The following SUPT3H variants were observed in gnomAD, a reference collection of about 807,000 sequenced individuals.
The protein encoded by SUPT3H is transcription initiation protein SPT3 homolog.
In SUPT3H, 44 loss-of-function variants were observed where a neutral mutation model predicts 44.3. The ratio of observed to expected loss-of-function variants is 0.99; its 90% confidence interval spans 0.78 to 1.28. The LOEUF (loss-of-function observed/expected upper bound fraction) is 1.28, where lower values mean the gene tolerates loss of function less well. Among genes scored for constraint, SUPT3H ranks in the 50% most tolerant of loss-of-function variants. The pLI is 0.00. For synonymous variants in SUPT3H, 124 were observed against 125.6 expected, an observed-to-expected ratio of 0.99 and a Z score of 0.09; for missense variants, 380 against 387.1, an observed-to-expected ratio of 0.98 and a Z score of 0.15.
At chr6:45,079,036 C>T (rs946162406) in intron 3 of SUPT3H, among the ~76,000 whole-genome samples, 12 of 152,060 alleles carry the variant, frequency 7.9e-5, no homozygotes, top group South Asian at 2.1e-4. Flanking sequence ...TATTGCTGGG[C>T]GCGGTGGCTC....
Position 44,953,385 on chromosome 6 carries a change from G to T in SUPT3H, c.726C>A (p.Asp242Glu). Reference protein sequence around the residue: ...LVDLALLVRQDMVTKAGDPFS... With the variant: ...LVDLALLVRQEMVTKAGDPFS... Reference sequence around the variant, plus strand: ...AGGGGTCCCCTGCCTTGGTTACCATGTCTTGCCTCACAAGAAGAGCCAGAT... The same window carrying T: ...AGGGGTCCCCTGCCTTGGTTACCATTTCTTGCCTCACAAGAAGAGCCAGAT... Residue 242 changes from aspartate (D) to glutamate (E), a missense_variant, in exon 9 of 11, where the codon GAC becomes GAA. Physicochemically the swap from Asp to Glu is conservative, Grantham distance 45 (BLOSUM62 2). Transcript: ENST00000371459. 1 of 1,614,096 alleles carries T rather than the reference G, an allele frequency of 6.2e-7. No homozygotes were observed. Among genetic ancestry groups the T allele is most frequent in the Non-Finnish European group, 8.5e-7 (1 of 1,179,980 alleles).
At chr6:45,075,315 G>GA (rs1161177197) in intron 3 of SUPT3H, among the ~76,000 whole-genome samples, 7 of 151,998 alleles carry the variant, frequency 4.6e-5, no homozygotes, top group African/African-American at 1.7e-4. Flanking sequence ...CCTAATACCA[G>GA]ATATGGTCAT....
intron 3 of SUPT3H, among the ~76,000 whole-genome samples, chr6:45,086,777 T>C (rs1264237356): frequency 6.6e-6 from 1 of 151,934 alleles, no homozygotes; most frequent in Non-Finnish European, 1.5e-5. Flanking sequence ...TATTTATCTG[T>C]GAATAGGTAC....
At chr6:45,339,795 A>C (rs942244463) in intron 2 of SUPT3H, among the ~76,000 whole-genome samples, 7 of 152,212 alleles carry the variant, frequency 4.6e-5, no homozygotes, top group African/African-American at 1.7e-4. Context: ...ATATTTTGAA[A>C]AATCAATGTA....
chr6:44,833,699 A>C (rs1769287323), intron 10 of SUPT3H, among the ~76,000 whole-genome samples: 3 of 152,142 alleles, frequency 2.0e-5, no homozygotes, highest in Admixed American at 1.3e-4. Context: ...GTAAAAGAGT[A>C]GATTTTGGAT....
intron 2 of SUPT3H, among the ~76,000 whole-genome samples, chr6:45,238,030 T>A (rs929166702): frequency 3.9e-5 from 6 of 152,168 alleles, no homozygotes; most frequent in Middle Eastern, 3.2e-3. Context: ...GTAAACAACC[T>A]GCAGCCTGCT....
chr6:45,155,453 C>T (rs1375797059), intron 2 of SUPT3H, among the ~76,000 whole-genome samples: 1 of 152,148 alleles, frequency 6.6e-6, no homozygotes, highest in African/African-American at 2.4e-5. Context: ...AAGACTGAAA[C>T]TTCTTTGTCC....
intron 2 of SUPT3H, among the ~76,000 whole-genome samples, chr6:45,294,975 G>A (rs891075767): frequency 9.2e-5 from 14 of 151,818 alleles, no homozygotes; most frequent in Admixed American, 3.9e-4. Context: ...ACCATCATTC[G>A]TCACTGAATT....
intron 10 of SUPT3H, among the ~76,000 whole-genome samples, chr6:44,928,346 A>G (rs1769869802): frequency 6.6e-6 from 1 of 152,182 alleles, no homozygotes; most frequent in Admixed American, 6.5e-5. Context: ...AAAACAAACA[A>G]GAAGCAAAAA....
chr6:44,956,710 G>C (rs779596509), intron 7 of SUPT3H, among the ~76,000 whole-genome samples: 1 of 152,062 alleles, frequency 6.6e-6, no homozygotes, highest in East Asian at 1.9e-4. Context: ...CTGGCCTTGA[G>C]TCTTTTCCTC....
At chr6:45,253,008 C>T (rs867446246) in intron 2 of SUPT3H, among the ~76,000 whole-genome samples, 25 of 151,848 alleles carry the variant, frequency 1.6e-4, no homozygotes, top group Admixed American at 1.3e-4. Context: ...TGACTTAATA[C>T]TAACCTTACC....
At chr6:45,208,946 C>T (rs2093900) in intron 2 of SUPT3H, among the ~76,000 whole-genome samples, 33,298 of 151,664 alleles carry the variant, frequency 0.22, 4,470 homozygotes, top group Non-Finnish European at 0.31. Flanking sequence ...TGTTCATTTA[C>T]CATTCAGAAA....
intron 7 of SUPT3H, among the ~76,000 whole-genome samples, chr6:44,958,718 C>G (rs922628513): frequency 6.6e-6 from 1 of 151,910 alleles, no homozygotes; most frequent in Non-Finnish European, 1.5e-5. Context: ...AGTTAACTAT[C>G]AGCTTACCAT....
rs981528062 is a variant in SUPT3H, at chr6:44,839,914, A to C, written c.913-10057T>G. Among the ~76,000 whole-genome samples, 7 of 151,880 alleles carry C rather than the reference A, an allele frequency of 4.6e-5. 1 individual carries two copies. Among genetic ancestry groups the C allele is most frequent in the Admixed American group, 3.3e-4 (5 of 15,242 alleles). ...ATGGGGTTTCACCGTGTTAGCCAGG[A>C]TGGTCTCGATCTCCTGACCTCGTGA... is the stretch of plus-strand genomic sequence containing the variant. On this transcript the variant is annotated intron_variant, in intron 10 of 10. Transcript: ENST00000371459.
At chr6:45,250,041 A>G (rs1055005890) in intron 2 of SUPT3H, among the ~76,000 whole-genome samples, 1 of 152,200 alleles carries the variant, frequency 6.6e-6, no homozygotes, top group Non-Finnish European at 1.5e-5. Context: ...TCACTGAGGA[A>G]TCCTGCACAA....
intron 3 of SUPT3H, among the ~76,000 whole-genome samples, chr6:45,096,007 G>A (rs1415654204): frequency 1.3e-5 from 2 of 152,042 alleles, no homozygotes; most frequent in African/African-American, 2.4e-5. Flanking sequence ...TATTACTACT[G>A]TTACTAGTAA....
At chr6:45,010,933 T>A (rs1783396797) in intron 5 of SUPT3H, among the ~76,000 whole-genome samples, 3 of 152,132 alleles carry the variant, frequency 2.0e-5, no homozygotes, top group Non-Finnish European at 4.4e-5. Context: ...TAAACACTTT[T>A]GGAATTTTGT....
intron 6 of SUPT3H, among the ~76,000 whole-genome samples, chr6:44,963,282 G>T (rs551423887): frequency 6.6e-6 from 1 of 152,244 alleles, no homozygotes; most frequent in Non-Finnish European, 1.5e-5. Flanking sequence ...TGGATCACTT[G>T]AAGGCAGCAG....
chr6:45,194,774 T>C (rs1815733186), intron 2 of SUPT3H, among the ~76,000 whole-genome samples: 1 of 152,184 alleles, frequency 6.6e-6, no homozygotes, highest in Admixed American at 6.5e-5. Flanking sequence ...CCTGCTGTGA[T>C]ATTTTTCTTA....
Sources: gnomAD v4.1 joint callset for allele counts (sites outside exome capture counted in the v4.1 genomes callset) on GRCh38, gnomAD v4.1.1 for gene constraint, MANE v1.5 for transcripts, NCBI Gene and HGNC (gene_info 2026-07-23, HGNC 2026-07-21) for gene names.